PDE10A: variants seen among roughly 807,000 people sequenced by gnomAD.
PDE10A encodes the protein phosphodiesterase 10A.
A neutral mutation model predicts 97.7 loss-of-function variants in PDE10A; 39 were observed. That is an observed-to-expected ratio of 0.40 (90% CI 0.31 to 0.52). The LOEUF (loss-of-function observed/expected upper bound fraction) is 0.52. Among genes scored for constraint, PDE10A ranks in the 20% least tolerant of loss-of-function variants. PDE10A has a pLI of 0.56. For missense variants in PDE10A, 731 were observed against 1,047.8 expected (o/e 0.70, Z 4.17); for synonymous variants, 371 against 376.8 (o/e 0.98, Z 0.18).
At chr6:165,890,073 C>A (rs1009354582) in intron 1 of PDE10A, among the ~76,000 whole-genome samples, 3 of 148,572 alleles carry the variant, frequency 2.0e-5, no homozygotes, top group African/African-American at 7.5e-5. Flanking sequence ...TCCCTCACTC[C>A]TCACTCACTC....
At chr6:165,371,018 T>G (rs1257889124) in intron 18 of PDE10A, among the ~76,000 whole-genome samples, 1 of 130,900 alleles carries the variant, frequency 7.6e-6, no homozygotes, top group Non-Finnish European at 1.6e-5. Flanking sequence ...ATAAAGATGT[T>G]CTCTGAAACC....
intron 2 of PDE10A, among the ~76,000 whole-genome samples, chr6:165,514,846 A>T (rs944534207): frequency 2.0e-5 from 3 of 152,160 alleles, no homozygotes; most frequent in Admixed American, 2.0e-4. Flanking sequence ...GGTATGAATG[A>T]TTCTTGGATT....
intron 1 of PDE10A, among the ~76,000 whole-genome samples, chr6:165,817,060 C>T (rs1330735039): frequency 6.6e-6 from 1 of 152,150 alleles, no homozygotes; most frequent in Non-Finnish European, 1.5e-5. Flanking sequence ...AAAAAGCCAA[C>T]AACCGTGCTC....
At chr6:165,619,124 A>ATACTCTAGTGTAGTG (rs1787889089) in intron 1 of PDE10A, among the ~76,000 whole-genome samples, 1 of 31,940 alleles carries the variant, frequency 3.1e-5, no homozygotes, top group Non-Finnish European at 6.1e-5. Context: ...GTAGTCTAGC[A>ATACTCTAGTGTAGTG]TAGTCTAGTG....
At chr6:165,777,845 G>A (rs1219459100) in intron 1 of PDE10A, among the ~76,000 whole-genome samples, 1 of 152,112 alleles carries the variant, frequency 6.6e-6, no homozygotes. Flanking sequence ...ACACCATGGT[G>A]TCTGCTGGCC....
At chr6:165,645,403 T>C (rs922836262) in intron 1 of PDE10A, among the ~76,000 whole-genome samples, 1 of 151,972 alleles carries the variant, frequency 6.6e-6, no homozygotes, top group African/African-American at 2.4e-5. Flanking sequence ...GAAACCCAAA[T>C]AGAAAACTGG....
At chr6:165,949,218 G>T (rs300103) in intron 1 of PDE10A, 2 of 152,038 alleles carry the variant, frequency 1.3e-5, no homozygotes, top group Non-Finnish European at 2.9e-5. Context: ...TATTGGTCAC[G>T]CTAACCCATT....
chr6:165,712,046 G>T (rs776520820), intron 1 of PDE10A, among the ~76,000 whole-genome samples: 12 of 152,142 alleles, frequency 7.9e-5, no homozygotes, highest in Non-Finnish European at 1.3e-4. Flanking sequence ...GTAACAAGCA[G>T]AATGGATGTC....
At chr6:165,527,975 G>A (rs9356366) in intron 2 of PDE10A, among the ~76,000 whole-genome samples, 104,906 of 151,696 alleles carry the variant, frequency 0.69, 39,562 homozygotes, top group Non-Finnish European at 0.83. Flanking sequence ...GATATCCCTA[G>A]AGGACGGCGG....
intron 1 of PDE10A, among the ~76,000 whole-genome samples, chr6:165,833,706 G>A (rs115394483): frequency 0.014 from 2,189 of 152,314 alleles, 49 homozygotes; most frequent in African/African-American, 0.048. Flanking sequence ...AGATGTTCTT[G>A]TCCCATTTGA....
intron 3 of PDE10A, among the ~76,000 whole-genome samples, chr6:165,477,444 C>T (rs956438990): frequency 6.6e-6 from 1 of 152,160 alleles, no homozygotes; most frequent in Non-Finnish European, 1.5e-5. Flanking sequence ...TATGTAAATG[C>T]CATGAGCGCA....
chr6:165,804,849 A>G (rs1037508926), intron 1 of PDE10A, among the ~76,000 whole-genome samples: 12 of 151,264 alleles, frequency 7.9e-5, no homozygotes, highest in African/African-American at 2.9e-4. Context: ...GCAGCTCCGA[A>G]GCTCCCAGCG....
intron 1 of PDE10A, chr6:165,660,492 G>C (rs1272893421): frequency 6.6e-6 from 1 of 152,332 alleles, no homozygotes; most frequent in Non-Finnish European, 1.5e-5. Context: ...CTGACCACGC[G>C]GCCGCCGTGG....
chr6:165,483,656 T>C (rs1283356884), intron 2 of PDE10A, among the ~76,000 whole-genome samples: 1 of 152,248 alleles, frequency 6.6e-6, no homozygotes, highest in Non-Finnish European at 1.5e-5. Context: ...ATGAGAATGT[T>C]TGAAAAAGTC....
chr6:165,391,265 A>G (rs1173188559), intron 16 of PDE10A, among the ~76,000 whole-genome samples: 1 of 152,212 alleles, frequency 6.6e-6, no homozygotes, highest in Non-Finnish European at 1.5e-5. Context: ...ATTATTTTTC[A>G]GCCAAAACGA....
At chr6:165,889,594 G>C (rs1015616760) in intron 1 of PDE10A, among the ~76,000 whole-genome samples, 9 of 152,136 alleles carry the variant, frequency 5.9e-5, no homozygotes, top group African/African-American at 1.9e-4. Context: ...GCACACGTTA[G>C]AAAATGAGCA....
chr6:165,494,762 C>G (rs1780441923), intron 2 of PDE10A, among the ~76,000 whole-genome samples: 1 of 152,026 alleles, frequency 6.6e-6, no homozygotes, highest in African/African-American at 2.4e-5. Flanking sequence ...TTTACTAAAT[C>G]TTCCATGAGT....
chr6:165,399,130 C>T (rs1368537713), intron 13 of PDE10A, among the ~76,000 whole-genome samples: 2 of 152,054 alleles, frequency 1.3e-5, no homozygotes, highest in Non-Finnish European at 2.9e-5. Context: ...GATATAACAA[C>T]CCTAAGTATT....
chr6:165,565,010 C>CA (rs983410654), intron 1 of PDE10A, among the ~76,000 whole-genome samples: 5 of 151,874 alleles, frequency 3.3e-5, no homozygotes, highest in African/African-American at 1.2e-4. Context: ...AATTTAGATA[C>CA]AAAGACAAAA....
Sources: gnomAD v4.1 joint callset for allele counts (sites outside exome capture counted in the v4.1 genomes callset) on GRCh38, gnomAD v4.1.1 for gene constraint, MANE v1.5 for transcripts, NCBI Gene and HGNC (gene_info 2026-07-23, HGNC 2026-07-21) for gene names.